Variants in AHCY observed in about 807,000 individuals in gnomAD.
AHCY encodes adenosylhomocysteinase.
In AHCY, 24 loss-of-function variants were observed where a neutral mutation model predicts 45.4. The observed-to-expected ratio is 0.53, with a 90% confidence interval of 0.38 to 0.74. The LOEUF (loss-of-function observed/expected upper bound fraction) is 0.74, where lower values mean the gene tolerates loss of function less well. Among genes scored for constraint, AHCY ranks in the 30% least tolerant of loss-of-function variants. AHCY has a pLI of 0.00. For synonymous variants in AHCY, 245 were observed against 235.1 expected (o/e 1.04, Z -0.39); for missense variants, 449 against 594.1 (o/e 0.76, Z 2.54).
chr20:34,285,391 C>G (rs1301286318), intron 9 of AHCY, 49 bp downstream of exon 9: 3 of 1,606,290 alleles, frequency 1.9e-6, no homozygotes, highest in Non-Finnish European at 2.6e-6. Flanking sequence ...TGTGGGGATC[C>G]CAGGATTAGA....
At chr20:34,266,077 G>A in the AHCY span, among the ~76,000 whole-genome samples, 13 of 152,214 alleles carry the variant, frequency 8.5e-5, no homozygotes, top group African/African-American at 3.1e-4. Context: ...ATAATGGCCA[G>A]GCACGGTGGC....
At chr20:34,233,541 C>G in the AHCY span, among the ~76,000 whole-genome samples, 1 of 152,160 alleles carries the variant, frequency 6.6e-6, no homozygotes, top group East Asian at 1.9e-4. Flanking sequence ...TGTGAATAAA[C>G]TAAAAACCTT....
chr20:34,310,414 A>G (rs1226845638), intron 1 of AHCY, among the ~76,000 whole-genome samples: 1 of 152,140 alleles, frequency 6.6e-6, no homozygotes, highest in East Asian at 1.9e-4. Flanking sequence ...ACAGTTTAAT[A>G]ACATACTATT....
intron 8 of AHCY, among the ~76,000 whole-genome samples, chr20:34,289,741 G>T (rs1205356): frequency 9.9e-5 from 15 of 151,776 alleles, no homozygotes; most frequent in African/African-American, 3.4e-4. Flanking sequence ...ACCTCCCAAA[G>T]TGCTGGGATT....
the AHCY span, among the ~76,000 whole-genome samples, chr20:34,241,065 G>A: frequency 2.0e-5 from 3 of 152,096 alleles, no homozygotes; most frequent in South Asian, 2.1e-4. Context: ...CTGCTTTGGC[G>A]ACCCTTAGAG....
At chr20:34,266,865 A>G in the AHCY span, among the ~76,000 whole-genome samples, 17 of 152,202 alleles carry the variant, frequency 1.1e-4, no homozygotes, top group African/African-American at 3.9e-4. Context: ...ACAGGTTCCC[A>G]CTTTGGGAAA....
At chr20:34,292,780 T>C (rs1568802008) in intron 3 of AHCY, among the ~76,000 whole-genome samples, 2 of 152,160 alleles carry the variant, frequency 1.3e-5, no homozygotes, top group Admixed American at 6.5e-5. Flanking sequence ...GGGCTCACAA[T>C]AGTATGGATT....
chr20:34,286,032 G>C (rs924496943), intron 8 of AHCY: 12 of 286,554 alleles, frequency 4.2e-5, no homozygotes, highest in Non-Finnish European at 8.2e-5. Context: ...GTGAACCTGG[G>C]AGGTGGAGTT....
rs888281225 is a variant in AHCY at position 34,290,066 on chromosome 20, T to C, written c.972+266A>G. On this transcript the variant is annotated intron_variant, in intron 8 of 9. Coordinates refer to ENST00000217426, the MANE Select transcript of AHCY (RefSeq NM_000687.4). This position sits in a 1 kb window ranked among gnomAD's most constrained non-coding sequence, Gnocchi z 4.5. ...AAGCCTCTCTCCCCACCACCCGCCATTGTTGCTTTTATTCTGCACACAGTA... is the reference window on the plus strand; with the variant it reads ...AAGCCTCTCTCCCCACCACCCGCCACTGTTGCTTTTATTCTGCACACAGTA... Among the ~76,000 whole-genome samples, 1 of 152,178 alleles carries C rather than the reference T, an allele frequency of 6.6e-6. No individual in the cohort carries two copies. The highest frequency in any genetic ancestry group is 1.5e-5 in the Non-Finnish European group (1 of 68,026).
At chr20:34,264,789 A>ATTTTTT in the AHCY span, among the ~76,000 whole-genome samples, 7 of 104,212 alleles carry the variant, frequency 6.7e-5, no homozygotes, top group South Asian at 3.1e-4. Flanking sequence ...AGTTTACTTC[A>ATTTTTT]TTTTTTTTTT....
In AHCY at chr20:34,280,858, C is replaced by A; in HGVS notation, c.*176G>T. ...GAAGAGGGTACTCTGTTCCCGCTGC[C>A]ACATTTGGAACAGTATGACGGCTGC... On this transcript the variant is annotated 3_prime_UTR_variant, in exon 10 of 10. Coordinates refer to ENST00000217426, the MANE Select transcript of AHCY (RefSeq NM_000687.4). The A allele has an allele frequency of 1.0e-6, 1 of 959,682 alleles. No homozygotes were observed. The highest frequency in any genetic ancestry group is 1.5e-5 in the South Asian group (1 of 64,542). The allele number at this position is 959,682 out of a possible 1,614,324, so 59.4% of individuals were successfully genotyped here. A position where few individuals can be genotyped will look rare whatever the true frequency, so the allele number is the denominator to read the frequency against.
At chr20:34,265,947 CA>C in the AHCY span, among the ~76,000 whole-genome samples, 1 of 140,624 alleles carries the variant, frequency 7.1e-6, no homozygotes, top group Admixed American at 7.0e-5. Flanking sequence ...AAGACTGTCT[CA>C]AAAAAAAACA....
At chr20:34,264,753 A>C in the AHCY span, among the ~76,000 whole-genome samples, 1 of 147,174 alleles carries the variant, frequency 6.8e-6, no homozygotes, top group East Asian at 2.0e-4. Flanking sequence ...CTTATCCAAT[A>C]ATTTTCTTAA....
chr20:34,276,764 T>C (rs1191537699), downstream of AHCY, among the ~76,000 whole-genome samples: 1 of 151,856 alleles, frequency 6.6e-6, no homozygotes, highest in Non-Finnish European at 1.5e-5. Context: ...CGGGATTGAG[T>C]CCAGACCAAC....
intron 1 of AHCY, among the ~76,000 whole-genome samples, chr20:34,298,752 G>A (rs2036670320): frequency 6.6e-6 from 1 of 152,122 alleles, no homozygotes; most frequent in African/African-American, 2.4e-5. Flanking sequence ...TGCTTCAGTG[G>A]TCACACTCCT....
the AHCY span, among the ~76,000 whole-genome samples, chr20:34,244,586 CA>C: frequency 6.6e-6 from 1 of 152,124 alleles, no homozygotes; most frequent in Non-Finnish European, 1.5e-5. Flanking sequence ...AATCATTTTC[CA>C]ATTGTTCATT....
chr20:34,305,128 A>G (rs548726554), upstream of AHCY, among the ~76,000 whole-genome samples: 35 of 149,826 alleles, frequency 2.3e-4, no homozygotes, highest in African/African-American at 7.4e-4. Context: ...ATCCTGGCTA[A>G]CAGGGTAAAA....
intron 8 of AHCY, among the ~76,000 whole-genome samples, chr20:34,285,875 C>T (rs953446669): frequency 2.0e-5 from 3 of 151,922 alleles, no homozygotes; most frequent in East Asian, 1.9e-4. Flanking sequence ...CCGAGGCAGG[C>T]GGATCATGAG....
chr20:34,239,730 C>T, the AHCY span, among the ~76,000 whole-genome samples: 1 of 152,202 alleles, frequency 6.6e-6, no homozygotes, highest in Non-Finnish European at 1.5e-5. Flanking sequence ...ATTCACTTAT[C>T]TTTCCAGTTG....
Sources: gnomAD v4.1 joint callset for allele counts (sites outside exome capture counted in the v4.1 genomes callset) on GRCh38, gnomAD v4.1.1 for gene constraint, Gnocchi (gnomAD v3.1) non-coding constraint, MANE v1.5 for transcripts, NCBI Gene and HGNC (gene_info 2026-07-23, HGNC 2026-07-21) for gene names.